The following ITGA10 variants were observed in gnomAD, a reference collection of about 807,000 sequenced individuals.
ITGA10 encodes the protein integrin alpha-10.
A neutral mutation model predicts 145.2 loss-of-function variants in ITGA10; 105 were observed. The observed-to-expected ratio is 0.72, with a 90% CI of 0.62 to 0.85. The LOEUF is 0.85. Among genes scored for constraint, ITGA10 ranks in the 40% least tolerant of loss-of-function variants. ITGA10 has a pLI of 0.00. For synonymous variants in ITGA10, 506 were observed against 557.8 expected (o/e 0.91, Z 1.31); for missense variants, 1,317 against 1,444.5 (o/e 0.91, Z 1.43).
intron 14 of ITGA10, among the ~76,000 whole-genome samples, chr1:145,900,396 T>C (rs1487562576): frequency 6.6e-6 from 1 of 152,104 alleles, no homozygotes; most frequent in Admixed American, 6.6e-5. Flanking sequence ...GCCTCCTGAG[T>C]AACTGGGATT....
chr1:145,897,616 C>A lies in ITGA10; in HGVS notation c.2470G>T (p.Val824Leu). The A allele has an allele frequency of 2.5e-6, 4 of 1,614,154 alleles. No individual in the cohort carries two copies. The East Asian group carries it at 8.9e-5, about 36-fold the overall frequency. The stretch of plus-strand genomic sequence containing the variant: ...TTCTCCAGAGTTGTAGATACCAGCA[C>A]TTTCCGCCGGCCACCTCGAACCACA... The part of the protein sequence containing the change: ...PFVVRGGRRK[V>L]LVSTTLENRK... The change falls in exon 20 of 30, where the codon GTG (valine) becomes TTG (leucine). Residue 824 changes from valine (V) to leucine (L), a missense_variant. Physicochemically the swap from Val to Leu is conservative, Grantham distance 32. Transcript: ENST00000369304.
chr1:145,902,712 A>G, intron 8 of ITGA10, 93 bp from the exon 9 acceptor site: 1 of 1,539,982 alleles, frequency 6.5e-7, no homozygotes. Context: ...GAAGTAGTTA[A>G]TGCCCTTGTT....
Position 145,902,257 on chromosome 1 carries a change from G to T in ITGA10, c.1138C>A (p.His380Asn), listed in dbSNP as rs781793556. The T allele has an allele frequency of 3.1e-6, 5 of 1,614,110 alleles. No homozygotes were observed. Among genetic ancestry groups the T allele is most frequent in the Non-Finnish European group, 4.2e-6 (5 of 1,179,966 alleles). ...LEMSQIGFST[H>N]RLKDGILFGM... ...TCAATCTGTCCAACCTTTAGCCGAT[G>T]AGTGGAGAAACCAATCTGAGACATT... Residue 380 changes from histidine to asparagine, a missense_variant, in exon 10 of 30, where the codon CAT becomes AAT. His to Asn is a moderately conservative substitution (Grantham distance 68, BLOSUM62 1). Transcript: ENST00000369304.
At chr1:145,903,299 T>C (rs1334824589) in intron 7 of ITGA10, among the ~76,000 whole-genome samples, 1 of 152,164 alleles carries the variant, frequency 6.6e-6, no homozygotes, top group African/African-American at 2.4e-5. Flanking sequence ...AAAAGAATGA[T>C]CTGGGCAGGG....
Position 145,896,749 on chromosome 1 carries a change from A to G in ITGA10, c.2834+20T>C, listed in dbSNP as rs1553745226. The G allele has an allele frequency of 1.3e-6, 2 of 1,592,276 alleles. No individual in the cohort carries two copies. Among genetic ancestry groups the G allele is most frequent in the African/African-American group, 2.7e-5 (2 of 74,392 alleles). On this transcript the variant is annotated intron_variant, in intron 23 of 29. Coordinates refer to ENST00000369304, the MANE Select transcript of ITGA10 (RefSeq NM_003637.5). ...GAGTCTGAGGTCAGAACTGGGTCCCACCCTAGAAGCTGGGCATACCTAGAG... is the reference window on the plus strand; with the variant it reads ...GAGTCTGAGGTCAGAACTGGGTCCCGCCCTAGAAGCTGGGCATACCTAGAG...
At chr1:145,893,664 T>A in intron 27 of ITGA10, 29 bp from the exon 28 acceptor site, 1 of 1,542,538 alleles carries the variant, frequency 6.5e-7, no homozygotes. Flanking sequence ...GGAAGACATT[T>A]AAAATGAGCC....
chr1:145,901,700 G>T lies in ITGA10; in HGVS notation c.1295-36C>A, dbSNP rs200966133. ...GCAAAGTAACAGAGGTAAAGGAAAA[G>T]AAGATGGGGTCCAGAGTAGGGGGGT... On this transcript the variant is annotated intron_variant, in intron 11 of 29. Coordinates refer to ENST00000369304, the MANE Select transcript of ITGA10 (RefSeq NM_003637.5). The surrounding 1 kb of genome is among the most constrained non-coding windows in gnomAD (Gnocchi z 4.3). 4.9e-4 allele frequency: 747 copies of T among 1,539,078 alleles called. 1 individual carries two copies. The highest frequency in any genetic ancestry group is 6.3e-4 in the Non-Finnish European group (719 of 1,145,104).
At chr1:145,894,630 C>T (rs1553744265) in intron 27 of ITGA10, among the ~76,000 whole-genome samples, 2 of 152,124 alleles carry the variant, frequency 1.3e-5, no homozygotes, top group Admixed American at 6.5e-5. Context: ...GATGCCATTT[C>T]CCTGCCCAGG....
At chr1:145,909,409 TA>T (rs587638997) in intron 1 of ITGA10, among the ~76,000 whole-genome samples, 4,449 of 139,952 alleles carry the variant, frequency 0.032, 116 homozygotes, top group Non-Finnish European at 0.048. Flanking sequence ...ACCCTATCTT[TA>T]AAAAATAATA....
intron 1 of ITGA10, among the ~76,000 whole-genome samples, chr1:145,908,359 G>A (rs1398461619): frequency 2.6e-5 from 4 of 152,006 alleles, no homozygotes; most frequent in African/African-American, 7.2e-5. Context: ...GGGGCCACTC[G>A]CCTGCCCACA....
At chr1:145,908,366 C>T (rs1472169485) in intron 1 of ITGA10, among the ~76,000 whole-genome samples, 1 of 152,076 alleles carries the variant, frequency 6.6e-6, no homozygotes, top group Non-Finnish European at 1.5e-5. Flanking sequence ...CTCGCCTGCC[C>T]ACACACATAG....
At chr1:145,897,704 A>G (rs1655631359) in intron 19 of ITGA10, 51 bp from the exon 20 acceptor site, 2 of 1,613,216 alleles carry the variant, frequency 1.2e-6, no homozygotes, top group Non-Finnish European at 1.7e-6. Context: ...GGGGAGTGCC[A>G]AAAGTCTCAC....
chr1:145,909,663 T>C (rs1033410326), intron 1 of ITGA10, among the ~76,000 whole-genome samples: 1 of 134,268 alleles, frequency 7.4e-6, no homozygotes, highest in Non-Finnish European at 1.6e-5. Flanking sequence ...TATATAATTG[T>C]TATATATTAT....
intron 1 of ITGA10, among the ~76,000 whole-genome samples, chr1:145,909,660 T>TTA (rs1351686214): frequency 4.4e-5 from 6 of 135,896 alleles, no homozygotes; most frequent in Admixed American, 1.7e-4. Context: ...TAATATATAA[T>TTA]TGTTATATAT....
chr1:145,892,655 A>T lies in ITGA10; in HGVS notation c.*143T>A, dbSNP rs1553743543. The T allele has an allele frequency of 1.6e-6, 1 of 643,184 alleles. No homozygotes were observed. The highest frequency in any genetic ancestry group is 1.8e-5 in the African/African-American group (1 of 54,744). 39.8% of individuals were successfully genotyped at this position (643,184 alleles called of 1,614,324 possible). ...ATCTCTAGCCAGCAGCATCCCTAGG[A>T]CTCAAAAGTCAAGTCAGGCTGCTGG... On this transcript the variant is annotated 3_prime_UTR_variant, in exon 30 of 30. Coordinates refer to ENST00000369304, the MANE Select transcript of ITGA10 (RefSeq NM_003637.5).
Position 145,897,600 on chromosome 1 carries a change from G to C in ITGA10, c.2486C>G (p.Thr829Ser). 4 of 1,614,158 alleles carry C rather than the reference G, an allele frequency of 2.5e-6. No individual in the cohort carries two copies. The highest frequency in any genetic ancestry group is 3.4e-6 in the Non-Finnish European group (4 of 1,180,022). ...AGCATTTTCCTTTCTGTTCTCCAGA[G>C]TTGTAGATACCAGCACTTTCCGCCG... Reference protein sequence around the residue: ...GGRRKVLVSTTLENRKENAYN... With the variant: ...GGRRKVLVSTSLENRKENAYN... The change falls in exon 20 of 30, where the codon ACT becomes AGT. Residue 829 changes from threonine (T) to serine (S), a missense_variant. Thr to Ser is a moderately conservative substitution (Grantham distance 58, BLOSUM62 1). Coordinates refer to ENST00000369304, the MANE Select transcript of ITGA10 (RefSeq NM_003637.5).
intron 15 of ITGA10, 64 bp from the exon 16 acceptor site, chr1:145,899,405 C>T: frequency 6.4e-7 from 1 of 1,552,866 alleles, no homozygotes; most frequent in African/African-American, 1.4e-5. Flanking sequence ...AGTGCAAGCC[C>T]AGTGTTTGCT....
intron 25 of ITGA10, 78 bp downstream of exon 25, chr1:145,895,905 A>T: frequency 8.4e-7 from 1 of 1,185,516 alleles, no homozygotes; most frequent in East Asian, 2.3e-5. Context: ...ACAGATAGGG[A>T]GCTGGTGTGG....
At chr1:145,900,583 C>T (rs1018009203) in intron 14 of ITGA10, among the ~76,000 whole-genome samples, 1 of 152,134 alleles carries the variant, frequency 6.6e-6, no homozygotes, top group Non-Finnish European at 1.5e-5. Flanking sequence ...CTTTATAATG[C>T]TCCCGTCAGT....
Sources: gnomAD v4.1 joint callset for allele counts (sites outside exome capture counted in the v4.1 genomes callset) on GRCh38, gnomAD v4.1.1 for gene constraint, Gnocchi (gnomAD v3.1) non-coding constraint, MANE v1.5 for transcripts, NCBI Gene and HGNC (gene_info 2026-07-23, HGNC 2026-07-21) for gene names.